SCUBE1: variants seen among roughly 807,000 people sequenced by gnomAD.
SCUBE1 encodes the protein signal peptide, CUB and EGF-like domain-containing protein 1.
In SCUBE1, 59 loss-of-function variants were observed where a neutral mutation model predicts 124.4. The ratio of observed to expected loss-of-function variants is 0.47; its 90% CI spans 0.38 to 0.59. The LOEUF is 0.59. Ranked by LOEUF, SCUBE1 falls within the 20% of genes least tolerant of loss-of-function variation. The pLI is 0.00. For synonymous variants in SCUBE1, 545 were observed against 550.9 expected (o/e 0.99, Z 0.15); for missense variants, 1,150 against 1,371.2 (o/e 0.84, Z 2.55).
intron 4 of SCUBE1, among the ~76,000 whole-genome samples, chr22:43,271,264 C>G (rs1170070834): frequency 6.6e-6 from 1 of 152,192 alleles, no homozygotes; most frequent in Non-Finnish European, 1.5e-5. Context: ...TACACATTGT[C>G]TCCCTCCCTC....
intron 3 of SCUBE1, chr22:43,318,314 T>G (rs1165701528): frequency 6.6e-6 from 1 of 151,842 alleles, no homozygotes; most frequent in Non-Finnish European, 1.5e-5. Flanking sequence ...AGCCCAGGAG[T>G]TCCAGAGGCC....
intron 4 of SCUBE1, among the ~76,000 whole-genome samples, chr22:43,269,183 C>T (rs938395264): frequency 5.9e-5 from 9 of 152,124 alleles, no homozygotes; most frequent in Non-Finnish European, 1.2e-4. Context: ...TCCAAGTGGC[C>T]GGTGCTTCCT....
intron 8 of SCUBE1, among the ~76,000 whole-genome samples, chr22:43,229,409 C>A (rs935857840): frequency 5.9e-5 from 9 of 152,332 alleles, no homozygotes; most frequent in African/African-American, 2.2e-4. Context: ...AGCCACCTCA[C>A]GTCTTTTCTG....
intron 16 of SCUBE1, chr22:43,212,802 C>A (rs948698482): frequency 1.7e-6 from 1 of 579,130 alleles, no homozygotes; most frequent in Non-Finnish European, 3.0e-6. Context: ...GGTTCATGTG[C>A]GGCCTTGGTC....
intron 2 of SCUBE1, among the ~76,000 whole-genome samples, chr22:43,332,553 T>C (rs1926936512): frequency 6.6e-6 from 1 of 152,062 alleles, no homozygotes; most frequent in South Asian, 2.1e-4. Flanking sequence ...CTGGGACCCC[T>C]TGGCTGGTGG....
At chr22:43,231,523 C>A (rs1922551466) in intron 8 of SCUBE1, among the ~76,000 whole-genome samples, 1 of 152,222 alleles carries the variant, frequency 6.6e-6, no homozygotes, top group Admixed American at 6.5e-5. Context: ...GGGCCACCGG[C>A]TCCCTCTGCC....
chr22:43,211,130 G>C lies in SCUBE1; in HGVS notation c.2222-47C>G, dbSNP rs1445223291. 6.4e-7 allele frequency: 1 copy of C among 1,562,880 alleles called. No homozygotes were observed. The highest frequency in any genetic ancestry group is 8.7e-7 in the Non-Finnish European group (1 of 1,150,608). The stretch of plus-strand genomic sequence containing the variant: ...TGTGGTGGGTGTGGAGGGGTGCAGG[G>C]AAAGGGCAGCACTGGGGTGCTGTCC... On this transcript the variant is annotated intron_variant, in intron 17 of 21. Coordinates refer to ENST00000360835, the MANE Select transcript of SCUBE1 (RefSeq NM_173050.5). This position sits in a 1 kb window ranked among gnomAD's most constrained non-coding sequence, Gnocchi z 4.5.
intron 1 of SCUBE1, 61 bp downstream of exon 1, chr22:43,343,113 C>T: frequency 1.2e-6 from 1 of 857,890 alleles, no homozygotes. Flanking sequence ...CCCTCCGGGA[C>T]CGCGCCTCGG....
chr22:43,250,469 G>A (rs1250414557), intron 6 of SCUBE1, among the ~76,000 whole-genome samples: 1 of 152,204 alleles, frequency 6.6e-6, no homozygotes, highest in East Asian at 1.9e-4. Context: ...GTTCCTCTTT[G>A]CTCTGACCTC....
chr22:43,220,790 C>T (rs568580441), intron 13 of SCUBE1, among the ~76,000 whole-genome samples: 7 of 152,306 alleles, frequency 4.6e-5, no homozygotes, highest in East Asian at 1.9e-4. Flanking sequence ...CGGTCCATCA[C>T]GCTGCTGCAG....
rs575899678 is a variant in SCUBE1, at chr22:43,203,989, C to A, written c.*8G>T. On this transcript the variant is annotated 3_prime_UTR_variant, in exon 22 of 22. Transcript: ENST00000360835. ...CAGGCCACCCCCAGGCAGGGCCGCTCCCCCCGGTTATTTGTAGGGCCGCAG... is the reference window on the plus strand; with the variant it reads ...CAGGCCACCCCCAGGCAGGGCCGCTACCCCCGGTTATTTGTAGGGCCGCAG... 3.1e-6 allele frequency: 5 copies of A among 1,613,178 alleles called. No homozygotes were observed. The South Asian group carries it at 3.3e-5, about 11-fold the overall frequency.
intron 6 of SCUBE1, among the ~76,000 whole-genome samples, chr22:43,245,209 G>A (rs1370606726): frequency 6.6e-6 from 1 of 152,254 alleles, no homozygotes; most frequent in African/African-American, 2.4e-5. Flanking sequence ...TATGGCCAGC[G>A]CTGTGCTGGG....
chr22:43,317,662 G>A (rs28549703), intron 3 of SCUBE1, among the ~76,000 whole-genome samples: 18,144 of 152,260 alleles, frequency 0.12, 1,323 homozygotes, highest in East Asian at 0.25. Flanking sequence ...GGACAGACAC[G>A]TCTGCTTTGA....
At chr22:43,270,743 C>T (rs1320313647) in intron 4 of SCUBE1, among the ~76,000 whole-genome samples, 1 of 152,256 alleles carries the variant, frequency 6.6e-6, no homozygotes, top group Non-Finnish European at 1.5e-5. Flanking sequence ...AAACCTGGGT[C>T]TGTCTGACTT....
chr22:43,309,050 C>T (rs1926080455), intron 3 of SCUBE1, among the ~76,000 whole-genome samples: 2 of 152,046 alleles, frequency 1.3e-5, no homozygotes, highest in African/African-American at 2.4e-5. Flanking sequence ...TGGGCAGCAG[C>T]TCATCTGGCA....
intron 2 of SCUBE1, among the ~76,000 whole-genome samples, chr22:43,338,445 C>G (rs952510172): frequency 1.3e-5 from 2 of 152,210 alleles, no homozygotes; most frequent in South Asian, 4.1e-4. Flanking sequence ...AAGCCCAGGT[C>G]TTTGCACTCC....
At chr22:43,231,371 G>T (rs1272411486) in intron 8 of SCUBE1, among the ~76,000 whole-genome samples, 1 of 152,236 alleles carries the variant, frequency 6.6e-6, no homozygotes, top group Non-Finnish European at 1.5e-5. Flanking sequence ...CCCAGCAGGT[G>T]AGGATTGTTT....
chr22:43,235,995 TGCCCGGGGTTTGCA>T (rs1477662314), intron 7 of SCUBE1, among the ~76,000 whole-genome samples: 1 of 152,138 alleles, frequency 6.6e-6, no homozygotes, highest in Non-Finnish European at 1.5e-5. Context: ...GACCCCCACC[TGCCCGGGGTTTGCA>T]GCCCTGGGTT....
At chr22:43,226,642 G>C (rs930862994) in intron 10 of SCUBE1, among the ~76,000 whole-genome samples, 1 of 140,516 alleles carries the variant, frequency 7.1e-6, no homozygotes, top group Non-Finnish European at 1.6e-5. Flanking sequence ...TGGGGGTGGG[G>C]GCGGGGTTCT....
Sources: gnomAD v4.1 joint callset for allele counts (sites outside exome capture counted in the v4.1 genomes callset) on GRCh38, gnomAD v4.1.1 for gene constraint, Gnocchi (gnomAD v3.1) non-coding constraint, MANE v1.5 for transcripts, NCBI Gene and HGNC (gene_info 2026-07-23, HGNC 2026-07-21) for gene names.